Variants in PIEZO2 observed in about 807,000 individuals in gnomAD.
PIEZO2 encodes piezo-type mechanosensitive ion channel component 2.
PIEZO2 carries 172 observed loss-of-function variants against 337.3 expected under a neutral mutation model. The ratio of observed to expected loss-of-function variants is 0.51; its 90% CI spans 0.45 to 0.58. The LOEUF is 0.58. PIEZO2 is among the 20% of genes least tolerant of loss of function. The pLI, the probability that PIEZO2 is intolerant of heterozygous loss-of-function variation, is 0.00. For missense variants in PIEZO2, 3,028 were observed against 3,391.3 expected (o/e 0.89, Z 2.66); for synonymous variants, 1,251 against 1,228.5 (o/e 1.02, Z -0.38).
chr18:11,091,906 G>C (rs1411443740), intron 1 of PIEZO2, among the ~76,000 whole-genome samples: 3 of 152,212 alleles, frequency 2.0e-5, no homozygotes, highest in Non-Finnish European at 2.9e-5. Context: ...ACAAGGGCAA[G>C]GCTCCGCTTT....
At chr18:11,071,619 G>C (rs991172680) in intron 1 of PIEZO2, among the ~76,000 whole-genome samples, 1 of 152,202 alleles carries the variant, frequency 6.6e-6, no homozygotes, top group African/African-American at 2.4e-5. Context: ...TGCAGCCTAG[G>C]GGAAGGGAGG....
At chr18:10,886,006 C>A (rs1488861594) in intron 4 of PIEZO2, among the ~76,000 whole-genome samples, 4 of 151,734 alleles carry the variant, frequency 2.6e-5, no homozygotes, top group Non-Finnish European at 4.4e-5. Context: ...AAAATAAAGC[C>A]AGAATCCGAA....
rs962744068 is a variant in PIEZO2 at position 10,888,339 on chromosome 18, A to T, written c.330-16924T>A. 6.6e-6 allele frequency among the ~76,000 whole-genome samples: 1 copy of T among 152,176 alleles called. No homozygotes were observed. The highest frequency in any genetic ancestry group is 1.5e-5 in the Non-Finnish European group (1 of 68,034). The stretch of plus-strand genomic sequence containing the variant: ...CTGGCTCCTGGGAAATGTCCTTGTC[A>T]TTCACTGTGCATTCTTCTACTTTCT... On this transcript the variant is annotated intron_variant, in intron 4 of 55. Transcript: ENST00000674853. The surrounding 1 kb of genome is among the most constrained non-coding windows in gnomAD (Gnocchi z 4.1).
At chr18:11,063,697 G>T (rs1394628102) in intron 2 of PIEZO2, among the ~76,000 whole-genome samples, 1 of 152,208 alleles carries the variant, frequency 6.6e-6, no homozygotes, top group Non-Finnish European at 1.5e-5. Flanking sequence ...GGCTCCTAAG[G>T]CTGATTCAAA....
chr18:10,695,992 C>A, intron 47 of PIEZO2, 82 bp downstream of exon 47: 1 of 1,333,566 alleles, frequency 7.5e-7, no homozygotes, highest in Non-Finnish European at 1.1e-6. Context: ...AGCAGTTCTG[C>A]TGTGCAATGC....
chr18:10,684,054 C>A (rs2034397320), intron 49 of PIEZO2, among the ~76,000 whole-genome samples: 1 of 149,382 alleles, frequency 6.7e-6, no homozygotes, highest in Non-Finnish European at 1.5e-5. Flanking sequence ...CCTACCCTCC[C>A]TCCCTCCCTT....
intron 40 of PIEZO2, among the ~76,000 whole-genome samples, chr18:10,706,966 T>C (rs1359099556): frequency 1.3e-5 from 2 of 152,146 alleles, no homozygotes; most frequent in Admixed American, 1.3e-4. Flanking sequence ...TATGGATGAA[T>C]GAATGAATGA....
rs1457818871 is a variant in PIEZO2, at chr18:11,031,245, CACCTCA to C, written c.160+34876_160+34881del. 6.6e-6 allele frequency among the ~76,000 whole-genome samples: 1 copy of C among 151,752 alleles called. No individual in the cohort carries two copies. The highest frequency in any genetic ancestry group is 1.5e-5 in the Non-Finnish European group (1 of 67,950). On this transcript the variant is annotated intron_variant, in intron 2 of 55. Coordinates refer to ENST00000674853, the MANE Select transcript of PIEZO2 (RefSeq NM_001378183.1). This position sits in a 1 kb window ranked among gnomAD's most constrained non-coding sequence, Gnocchi z 4.7. ...CAATCTCCTGACCTCGTGATCCACC[CACCTCA>C]GCCTCCCAAAGTGCTGGGATTACAG...
chr18:11,118,520 T>G (rs973587110), intron 1 of PIEZO2, among the ~76,000 whole-genome samples: 2 of 152,162 alleles, frequency 1.3e-5, no homozygotes, highest in East Asian at 3.8e-4. Flanking sequence ...TTGGATCTCA[T>G]TCAAATGCCA....
chr18:10,909,649 G>A (rs1374313929), intron 4 of PIEZO2, among the ~76,000 whole-genome samples: 1 of 152,168 alleles, frequency 6.6e-6, no homozygotes, highest in Non-Finnish European at 1.5e-5. Context: ...ACGTAAGTGT[G>A]GCAAAGACTT....
chr18:10,682,313 AAGGCTC>A lies in PIEZO2; in HGVS notation c.7498-27_7498-22del, dbSNP rs545097048. 6.6e-7 allele frequency: 1 copy of A among 1,526,016 alleles called. No individual in the cohort carries two copies. Among genetic ancestry groups the A allele is most frequent in the South Asian group, 1.2e-5 (1 of 81,822 alleles). The allele number at this position is 1,526,016 out of a possible 1,614,324, so 94.5% of individuals were successfully genotyped here. ...TATCTCTGCAACAGAGAGTTCAGAC[AAGGCTC>A]AGGCTCAGGCTCAGGTGCTTTCCCG... On this transcript the variant is annotated intron_variant, in intron 49 of 55. Transcript: ENST00000674853. This position sits in a 1 kb window ranked among gnomAD's most constrained non-coding sequence, Gnocchi z 5.6.
In PIEZO2 at chr18:10,762,964, G is replaced by A. The variant is rs7241380; in HGVS notation, c.3081C>T (p.Leu1027=). ...AGAAGTTCTCAGGCTTAATGGTTTG[G>A]AGCTGGTACAACATTTTGCAGACGA... ...VIIVCKMLYQ[L]QTIKPENFSV... Residue 1027 remains leucine (L), a synonymous_variant, in exon 22 of 56, where the codon CTC becomes CTT. Transcript: ENST00000674853. 0.79 allele frequency: 1,215,964 copies of A among 1,536,988 alleles called. 481,780 individuals carry two copies. Among genetic ancestry groups the A allele is most frequent in the East Asian group, 0.88 (35,991 of 40,902 alleles).
At chr18:10,714,486 T>C (rs1337015005) in intron 39 of PIEZO2, among the ~76,000 whole-genome samples, 1 of 152,190 alleles carries the variant, frequency 6.6e-6, no homozygotes, top group Non-Finnish European at 1.5e-5. Context: ...GGAGGGATCA[T>C]TCTTCCTTGC....
In PIEZO2 at chr18:10,962,444, C is replaced by T. The variant is rs1225612434; in HGVS notation, c.286+17091G>A. Among the ~76,000 whole-genome samples the T allele has an allele frequency of 6.6e-6, 1 of 152,176 alleles. No homozygotes were observed. The highest frequency in any genetic ancestry group is 2.4e-5 in the African/African-American group (1 of 41,428). The stretch of plus-strand genomic sequence containing the variant: ...GGGACAACCCTAAAGCCTGGGATCC[C>T]AGGAGCTGCACGCAGGGCTCGCTCC... On this transcript the variant is annotated intron_variant, in intron 3 of 55. Transcript: ENST00000674853. The surrounding 1 kb of genome is among the most constrained non-coding windows in gnomAD (Gnocchi z 4.1).
chr18:10,862,203 T>C lies in PIEZO2; in HGVS notation c.493-4992A>G, dbSNP rs572448544. On this transcript the variant is annotated intron_variant, in intron 5 of 55. Transcript: ENST00000674853. This position sits in a 1 kb window ranked among gnomAD's most constrained non-coding sequence, Gnocchi z 4.4. ...ACATTATATACCCCATAAATATATA[T>C]AATAGTTATTAGTCAGTTAAAAATA... 2.0e-4 allele frequency among the ~76,000 whole-genome samples: 30 copies of C among 152,208 alleles called. No individual in the cohort carries two copies. In the South Asian group the frequency reaches 3.7e-3, roughly 19 times the overall value.
intron 39 of PIEZO2, among the ~76,000 whole-genome samples, chr18:10,711,604 G>A (rs1186638935): frequency 1.7e-5 from 2 of 119,676 alleles, no homozygotes; most frequent in Non-Finnish European, 1.9e-5. Context: ...CACACTTGGG[G>A]ATTCAGGTAA....
chr18:11,072,347 T>C (rs906533372), intron 1 of PIEZO2, among the ~76,000 whole-genome samples: 65 of 152,178 alleles, frequency 4.3e-4, no homozygotes, highest in African/African-American at 1.4e-3. Flanking sequence ...ATCACCCCAA[T>C]TGACATGGCC....
chr18:11,064,542 C>T (rs949787186), intron 2 of PIEZO2, among the ~76,000 whole-genome samples: 14 of 152,138 alleles, frequency 9.2e-5, no homozygotes, highest in African/African-American at 3.4e-4. Context: ...TTATGTTTCA[C>T]CTATGATGTC....
intron 1 of PIEZO2, among the ~76,000 whole-genome samples, chr18:11,114,524 G>C (rs1001239035): frequency 1.6e-4 from 25 of 152,188 alleles, no homozygotes; most frequent in African/African-American, 5.1e-4. Flanking sequence ...AAACTAGCTG[G>C]TGTGGTGGTG....
Sources: gnomAD v4.1 joint callset for allele counts (sites outside exome capture counted in the v4.1 genomes callset) on GRCh38, gnomAD v4.1.1 for gene constraint, Gnocchi (gnomAD v3.1) non-coding constraint, MANE v1.5 for transcripts, NCBI Gene and HGNC (gene_info 2026-07-23, HGNC 2026-07-21) for gene names.